The following DLG2 variants were observed in gnomAD, a reference collection of about 807,000 sequenced individuals.
The protein encoded by DLG2 is disks large homolog 2.
In DLG2, 45 loss-of-function variants were observed where a neutral mutation model predicts 132.5. The observed-to-expected ratio is 0.34, with a 90% CI of 0.27 to 0.44. DLG2 has a LOEUF of 0.44. DLG2 is among the 20% of genes least tolerant of loss of function. DLG2 has a pLI of 1.00. For missense variants in DLG2, 1,045 were observed against 1,196.9 expected (o/e 0.87, Z 1.87); for synonymous variants, 424 against 419.6 (o/e 1.01, Z -0.13).
chr11:85,183,999 T>C (rs1053378840), intron 4 of DLG2, among the ~76,000 whole-genome samples: 25 of 152,014 alleles, frequency 1.6e-4, no homozygotes, highest in Non-Finnish European at 2.2e-4. Context: ...GTTTTACATA[T>C]ATGAGAACTA....
chr11:84,506,092 T>G (rs1297398003), intron 7 of DLG2, among the ~76,000 whole-genome samples: 1 of 142,762 alleles, frequency 7.0e-6, no homozygotes, highest in African/African-American at 2.9e-5. Context: ...TTTTTTTTTT[T>G]TGAGACGGAG....
At chr11:84,171,309 C>T (rs983985495) in intron 8 of DLG2, among the ~76,000 whole-genome samples, 2 of 151,994 alleles carry the variant, frequency 1.3e-5, no homozygotes, top group Non-Finnish European at 2.9e-5. Flanking sequence ...GGATATATTG[C>T]TTAGTGGTGA....
intron 5 of DLG2, among the ~76,000 whole-genome samples, chr11:85,145,729 C>A (rs1191274095): frequency 1.3e-5 from 2 of 151,984 alleles, no homozygotes; most frequent in African/African-American, 4.8e-5. Flanking sequence ...GATTTTGAAT[C>A]CCTTCTCTGT....
chr11:83,950,891 A>G (rs764063877), intron 14 of DLG2, among the ~76,000 whole-genome samples: 12 of 151,868 alleles, frequency 7.9e-5, no homozygotes, highest in Admixed American at 1.3e-4. Context: ...TATCACCTCT[A>G]TTATATTTTT....
intron 3 of DLG2, 25 bp from the exon 4 acceptor site, chr11:85,285,390 A>G: frequency 6.2e-7 from 1 of 1,605,284 alleles, no homozygotes; most frequent in Non-Finnish European, 8.5e-7. Context: ...TAAGGAAAGC[A>G]TCAAAATGTA....
intron 6 of DLG2, among the ~76,000 whole-genome samples, chr11:84,644,628 C>T (rs956461717): frequency 6.6e-6 from 1 of 151,200 alleles, no homozygotes; most frequent in Non-Finnish European, 1.5e-5. Context: ...ATGGCATGAA[C>T]TCTGGAGGCG....
chr11:83,471,184 G>A (rs2091980063), intron 24 of DLG2, among the ~76,000 whole-genome samples: 1 of 152,094 alleles, frequency 6.6e-6, no homozygotes. Flanking sequence ...ACATGGGAAA[G>A]CCTATTGGGT....
chr11:84,694,724 G>T (rs1236492790), intron 6 of DLG2, among the ~76,000 whole-genome samples: 1 of 151,512 alleles, frequency 6.6e-6, no homozygotes, highest in Non-Finnish European at 1.5e-5. Flanking sequence ...ACCTGATTTT[G>T]ATCTGTTTAT....
intron 11 of DLG2, among the ~76,000 whole-genome samples, chr11:83,999,665 C>T (rs1045050460): frequency 2.6e-5 from 4 of 152,146 alleles, no homozygotes; most frequent in Admixed American, 6.5e-5. Context: ...GATTGGACTG[C>T]TTGGCATCCC....
rs187425713 is a variant in DLG2 at position 84,088,447 on chromosome 11, G to A, written c.749+10476C>T. 2.0e-5 allele frequency among the ~76,000 whole-genome samples: 3 copies of A among 152,150 alleles called. No individual in the cohort carries two copies. In the East Asian group the frequency reaches 5.8e-4, roughly 29 times the overall value. ...TATTAATATTTCGGTCAACTCATAG[G>A]TGGATTTCCTTTATTGGAATATATG... On this transcript the variant is annotated intron_variant, in intron 10 of 27. Coordinates refer to ENST00000376104, the MANE Select transcript of DLG2 (RefSeq NM_001142699.3).
At chr11:85,061,820 T>C (rs568729874) in intron 6 of DLG2, among the ~76,000 whole-genome samples, 52 of 151,970 alleles carry the variant, frequency 3.4e-4, no homozygotes, top group African/African-American at 9.4e-4. Context: ...TAACTAAGGA[T>C]TGACCCCATT....
chr11:83,840,076 G>A (rs1019823287), intron 16 of DLG2, among the ~76,000 whole-genome samples: 6 of 152,186 alleles, frequency 3.9e-5, no homozygotes, highest in African/African-American at 1.2e-4. Context: ...CCCTGAGTTT[G>A]ACATGTTGCT....
intron 3 of DLG2, among the ~76,000 whole-genome samples, chr11:85,486,056 C>T (rs773694589): frequency 6.6e-6 from 1 of 152,184 alleles, no homozygotes; most frequent in Non-Finnish European, 1.5e-5. Context: ...CCACAGTGCG[C>T]CATCTGAGAG....
intron 18 of DLG2, chr11:83,681,927 G>C (rs1449603335): frequency 6.3e-6 from 1 of 159,940 alleles, no homozygotes; most frequent in Non-Finnish European, 1.3e-5. Flanking sequence ...TGAAACCTGA[G>C]AAACTTTAGC....
chr11:84,928,709 G>A (rs1438836957), intron 6 of DLG2, among the ~76,000 whole-genome samples: 1 of 151,380 alleles, frequency 6.6e-6, no homozygotes, highest in African/African-American at 2.4e-5. Flanking sequence ...ACTATTATTG[G>A]AATTTCTTGC....
intron 18 of DLG2, among the ~76,000 whole-genome samples, chr11:83,732,874 A>T (rs2091265689): frequency 6.6e-6 from 1 of 152,158 alleles, no homozygotes; most frequent in Non-Finnish European, 1.5e-5. Context: ...CTCATAGCTC[A>T]CCTTCTGAGG....
intron 10 of DLG2, among the ~76,000 whole-genome samples, chr11:84,067,353 C>G (rs370671978): frequency 1.3e-5 from 2 of 151,938 alleles, no homozygotes; most frequent in African/African-American, 4.8e-5. Context: ...CAAAACAAAA[C>G]AAAAATCTCA....
At chr11:85,413,471 C>A (rs952505817) in intron 3 of DLG2, among the ~76,000 whole-genome samples, 1 of 152,034 alleles carries the variant, frequency 6.6e-6, no homozygotes, top group African/African-American at 2.4e-5. Context: ...GTCATGAAAT[C>A]CTTGCCTAAG....
At chr11:84,061,037 A>T (rs931359393) in intron 10 of DLG2, among the ~76,000 whole-genome samples, 1 of 152,142 alleles carries the variant, frequency 6.6e-6, no homozygotes, top group Non-Finnish European at 1.5e-5. Flanking sequence ...TGCTTACTCA[A>T]CTTGCATTCC....
Sources: gnomAD v4.1 joint callset for allele counts (sites outside exome capture counted in the v4.1 genomes callset) on GRCh38, gnomAD v4.1.1 for gene constraint, MANE v1.5 for transcripts, NCBI Gene and HGNC (gene_info 2026-07-23, HGNC 2026-07-21) for gene names.